Variants in TBC1D10C observed in about 807,000 individuals in gnomAD.
TBC1D10C encodes carabin.
A neutral mutation model predicts 51.0 loss-of-function variants in TBC1D10C; 49 were observed. The ratio of observed to expected loss-of-function variants is 0.96; its 90% confidence interval spans 0.76 to 1.22. The LOEUF (loss-of-function observed/expected upper bound fraction) is 1.22. Ranked by LOEUF, TBC1D10C falls within the 50% of genes most tolerant of loss-of-function variation. TBC1D10C has a pLI of 0.00. For missense variants in TBC1D10C, 541 were observed against 617.5 expected, an observed-to-expected ratio of 0.88 and a Z score of 1.31; for synonymous variants, 281 against 266.7, an observed-to-expected ratio of 1.05 and a Z score of -0.52.
Position 67,405,886 on chromosome 11 carries a change from G to T in TBC1D10C, c.468-17G>T, listed in dbSNP as rs1863140198. On this transcript the variant is annotated splice_polypyrimidine_tract_variant and intron_variant, in intron 4 of 8. Coordinates refer to ENST00000542590, the MANE Select transcript of TBC1D10C (RefSeq NM_001369496.1). ...GGTGCCTGCAGGACTGGCCCCTTAT[G>T]GGGTCTTCCGGCACAGGCAGCAGGG... is the stretch of plus-strand genomic sequence containing the variant. The T allele has an allele frequency of 6.3e-7, 1 of 1,577,706 alleles. No homozygotes were observed. Among genetic ancestry groups the T allele is most frequent in the Non-Finnish European group, 8.6e-7 (1 of 1,162,490 alleles).
At position 67,406,674 on chromosome 11, in the gene TBC1D10C, G is replaced by A. The variant is rs1223576920; in HGVS notation, c.630G>A (p.Gly210=). ...LVQICEVYLP[G]YYGPHMEAVR... is the part of the protein sequence containing the mutation. ...AGATCTGTGAGGTCTACCTCCCTGG[G>A]TACTACGGGCCCCACATGGTGAGAG... The change falls in exon 6 of 9, where the codon GGG becomes GGA. Residue 210 remains glycine, a synonymous_variant. Transcript: ENST00000542590. 1 of 1,577,696 alleles carries A rather than the reference G, an allele frequency of 6.3e-7. No individual in the cohort carries two copies. The highest frequency in any genetic ancestry group is 8.6e-7 in the Non-Finnish European group (1 of 1,161,256).
intron 5 of TBC1D10C, 156 bp from the exon 6 acceptor site, chr11:67,406,471 G>A: frequency 1.5e-6 from 1 of 665,114 alleles, no homozygotes; most frequent in South Asian, 1.9e-5. Context: ...CTTTTGGGAA[G>A]GGCTTCCAGG....
intron 8 of TBC1D10C, 118 bp downstream of exon 8, chr11:67,409,251 G>A: frequency 7.0e-7 from 1 of 1,423,204 alleles, no homozygotes; most frequent in Non-Finnish European, 9.3e-7. Flanking sequence ...CTGAGCTTCA[G>A]AGAACACAAA....
intron 7 of TBC1D10C, chr11:67,407,301 C>T: frequency 2.6e-6 from 1 of 388,738 alleles, no homozygotes; most frequent in Non-Finnish European, 4.6e-6. Context: ...GCGTTCCTCC[C>T]CAGAGCCCGC....
intron 6 of TBC1D10C, 42 bp downstream of exon 6, chr11:67,406,734 G>C (rs767918988): frequency 4.4e-6 from 7 of 1,583,986 alleles, no homozygotes; most frequent in Non-Finnish European, 6.0e-6. Context: ...AGGGGCAGGG[G>C]CCCGGTGAGT....
At chr11:67,404,598 C>G (rs143646789) in intron 1 of TBC1D10C, among the ~76,000 whole-genome samples, 2 of 152,160 alleles carry the variant, frequency 1.3e-5, no homozygotes, top group African/African-American at 4.8e-5. Context: ...ACATCCTTCC[C>G]CTTTGAACCT....
chr11:67,408,845 C>A (rs191081732), intron 7 of TBC1D10C, 134 bp from the exon 8 acceptor site: 2 of 1,212,954 alleles, frequency 1.6e-6, no homozygotes, highest in Admixed American at 3.6e-5. Flanking sequence ...GCAACTCCAC[C>A]CTCTGTCATT....
intron 7 of TBC1D10C, 152 bp from the exon 8 acceptor site, chr11:67,408,827 C>T: frequency 9.6e-7 from 1 of 1,044,352 alleles, no homozygotes. Context: ...GCCTGTGTTA[C>T]CCGAAATGCA....
At position 67,409,650 on chromosome 11, in the gene TBC1D10C, G is replaced by A. The variant is rs990186898; in HGVS notation, c.1237G>A (p.Gly413Ser). ...RPPRRKPQTR[G>S]KTFHGLLTRA... Reference sequence around the variant, plus strand: ...ACCGCGGCGGAAACCCCAGACCCGCGGCAAGACTTTCCATGGGCTCCTGAC... The same window carrying A: ...ACCGCGGCGGAAACCCCAGACCCGCAGCAAGACTTTCCATGGGCTCCTGAC... The change falls in exon 9 of 9, where the codon GGC (glycine) becomes AGC (serine). Residue 413 changes from glycine (G) to serine (S), a missense_variant. By Grantham distance (56) the Gly-to-Ser change is moderately conservative. Transcript: ENST00000542590. 1.4e-5 allele frequency: 23 copies of A among 1,601,266 alleles called. No individual in the cohort carries two copies. Among genetic ancestry groups the A allele is most frequent in the Non-Finnish European group, 1.8e-5 (21 of 1,176,914 alleles).
At chr11:67,405,055 C>T (rs775511867) in intron 1 of TBC1D10C, 30 bp from the exon 2 acceptor site, 9 of 1,538,588 alleles carry the variant, frequency 5.8e-6, no homozygotes, top group African/African-American at 2.7e-5. Context: ...AGCTGCCCAG[C>T]GTCTGGATAC....
Position 67,406,932 on chromosome 11 carries a change from C to T in TBC1D10C, c.754C>T (p.Leu252=), listed in dbSNP as rs1259651397. 2.3e-5 allele frequency: 37 copies of T among 1,613,010 alleles called. No individual in the cohort carries two copies. The highest frequency in any genetic ancestry group is 3.1e-5 in the Non-Finnish European group (36 of 1,179,980). ...GGTGGGCGTCGGACCCCTGCTGTAC[C>T]TGCCCGAGTGGTTCCTGTGCCTCTT... ...QQVGVGPLLY[L]PEWFLCLFAR... Residue 252 remains leucine, a synonymous_variant, in exon 7 of 9, where the codon CTG becomes TTG. Transcript: ENST00000542590.
chr11:67,406,503 C>T (rs1863167673), intron 5 of TBC1D10C, 124 bp from the exon 6 acceptor site: 5 of 837,706 alleles, frequency 6.0e-6, no homozygotes, highest in Non-Finnish European at 9.5e-6. Flanking sequence ...TTAGGAGTGG[C>T]CCTGAGTGCA....
chr11:67,405,817 G>C (rs900183533), intron 4 of TBC1D10C, 86 bp from the exon 5 acceptor site: 4 of 1,543,104 alleles, frequency 2.6e-6, no homozygotes, highest in South Asian at 2.3e-5. Flanking sequence ...GAAGGCCCAG[G>C]GAGGCTGAGG....
At chr11:67,406,748 T>TG in intron 6 of TBC1D10C, 56 bp downstream of exon 6, 1 of 1,594,126 alleles carries the variant, frequency 6.3e-7, no homozygotes. Flanking sequence ...GGTGAGTGGG[T>TG]GGGGGTCTGG....
rs367546852 is a variant in TBC1D10C, at chr11:67,409,018, G to A, written c.878G>A (p.Arg293His). ...VLFRVGLTLV[R>H]LALGTAEQRG... Reference sequence around the variant, plus strand: ...TTCCGTGTGGGGCTGACACTGGTGCGCCTGGCGCTGGGCACTGCAGAGCAG... The same window carrying A: ...TTCCGTGTGGGGCTGACACTGGTGCACCTGGCGCTGGGCACTGCAGAGCAG... Residue 293 changes from arginine to histidine, a missense_variant, in exon 8 of 9, where the codon CGC becomes CAC. By Grantham distance (29) the Arg-to-His change is conservative. Transcript: ENST00000542590. The A allele has an allele frequency of 3.0e-5, 48 of 1,574,304 alleles. No individual in the cohort carries two copies. The highest frequency in any genetic ancestry group is 5.5e-5 in the Admixed American group (3 of 54,118).
Position 67,404,339 on chromosome 11 carries a change from G to A in TBC1D10C, c.137G>A (p.Ser46Asn), listed in dbSNP as rs773502116. Residue 46 changes from serine to asparagine, a missense_variant, in exon 1 of 9, where the codon AGC becomes AAC. Transcript: ENST00000542590. ...GACCGCTATGGATTCATTGGGGGCA[G>A]CTCAGCAGAGCCAGGGTAAGGGGGC... is the stretch of plus-strand genomic sequence containing the variant. ...QADRYGFIGG[S>N]SAEPGPGHPP... 4.4e-6 allele frequency: 7 copies of A among 1,586,188 alleles called. No individual in the cohort carries two copies. The Admixed American group carries it at 1.0e-4, about 24-fold the overall frequency.
At chr11:67,407,156 A>G in intron 7 of TBC1D10C, 140 bp downstream of exon 7, 1 of 1,041,008 alleles carries the variant, frequency 9.6e-7, no homozygotes, top group African/African-American at 1.6e-5. Flanking sequence ...GCCTGGCGCT[A>G]CATCACCCAT....
chr11:67,410,000 T>C lies in TBC1D10C; in HGVS notation c.*246T>C, dbSNP rs15578. Reference sequence around the variant, plus strand: ...GTCCTGGTGCCCAGGCCCTCACAAGTACCAAAGCCAGCACCAAAGGAGTCA... The same window carrying C: ...GTCCTGGTGCCCAGGCCCTCACAAGCACCAAAGCCAGCACCAAAGGAGTCA... On this transcript the variant is annotated 3_prime_UTR_variant, in exon 9 of 9. Coordinates refer to ENST00000542590, the MANE Select transcript of TBC1D10C (RefSeq NM_001369496.1). 50,153 of 476,556 alleles carry C rather than the reference T, an allele frequency of 0.11. 3,438 individuals carry two copies. The highest frequency in any genetic ancestry group is 0.13 in the Admixed American group (3,310 of 24,970). The allele number at this position is 476,556 out of a possible 1,614,324, so 29.5% of individuals were successfully genotyped here. A position where few individuals can be genotyped will look rare whatever the true frequency, so the allele number is the denominator to read the frequency against.
At chr11:67,409,194 C>T in intron 8 of TBC1D10C, 61 bp downstream of exon 8, 1 of 1,503,338 alleles carries the variant, frequency 6.7e-7, no homozygotes, top group Non-Finnish European at 8.9e-7. Context: ...GAAACTGAGT[C>T]CCAGAGCAGG....
Sources: allele counts gnomAD v4.1 joint callset (sites outside exome capture counted in the v4.1 genomes callset), GRCh38; gene constraint gnomAD v4.1.1; transcripts MANE v1.5; gene names NCBI Gene and HGNC (gene_info 2026-07-23, HGNC 2026-07-21).